TXNDC11: variants seen among roughly 807,000 people sequenced by gnomAD.
TXNDC11 encodes the protein thioredoxin domain containing 11.
A neutral mutation model predicts 78.0 loss-of-function variants in TXNDC11; 68 were observed. The ratio of observed to expected loss-of-function variants is 0.87; its 90% CI spans 0.72 to 1.07. TXNDC11 has a LOEUF of 1.07. Among genes scored for constraint, TXNDC11 ranks in the 50% least tolerant of loss-of-function variants. The pLI, the probability that TXNDC11 is intolerant of heterozygous loss-of-function variation, is 0.00. For missense variants in TXNDC11, 1,389 were observed against 1,221.8 expected, an observed-to-expected ratio of 1.14 and a Z score of -2.04; for synonymous variants, 571 against 495.2, an observed-to-expected ratio of 1.15 and a Z score of -2.03.
chr16:11,716,980 A>G (rs2051543352), intron 5 of TXNDC11, among the ~76,000 whole-genome samples: 1 of 152,160 alleles, frequency 6.6e-6, no homozygotes, highest in Admixed American at 6.5e-5. Flanking sequence ...CATTTTATAA[A>G]TGAGAGAGGG....
At chr16:11,693,910 T>A (rs1344873743) in intron 7 of TXNDC11, among the ~76,000 whole-genome samples, 4 of 152,040 alleles carry the variant, frequency 2.6e-5, no homozygotes, top group African/African-American at 9.7e-5. Context: ...CGCAAAAACC[T>A]CCATAAGACT....
intron 1 of TXNDC11, among the ~76,000 whole-genome samples, chr16:11,739,748 T>G (rs565108945): frequency 6.6e-6 from 1 of 152,178 alleles, no homozygotes; most frequent in Middle Eastern, 3.4e-3. Flanking sequence ...AAGTAAAGAT[T>G]AGATGCCCAG....
chr16:11,700,346 T>C (rs2050976906), intron 6 of TXNDC11, 106 bp downstream of exon 6: 1 of 542,746 alleles, frequency 1.8e-6, no homozygotes, highest in Admixed American at 3.6e-5. Flanking sequence ...CATATGCGCT[T>C]TTCTAGAGAG....
chr16:11,726,211 G>A (rs2051871441), intron 4 of TXNDC11, among the ~76,000 whole-genome samples: 1 of 121,866 alleles, frequency 8.2e-6, no homozygotes, highest in Non-Finnish European at 1.8e-5. Flanking sequence ...ATAAAACCAT[G>A]GTTAATGATT....
At chr16:11,693,056 C>T (rs1346887787) in intron 7 of TXNDC11, among the ~76,000 whole-genome samples, 1 of 152,152 alleles carries the variant, frequency 6.6e-6, no homozygotes, top group Non-Finnish European at 1.5e-5. Context: ...GCTGAGACAT[C>T]CCTCTTCCCC....
chr16:11,714,407 G>A lies in TXNDC11; in HGVS notation c.793+7170C>T, dbSNP rs551160349. ...TGTAACTCCAGCACTTTGGGAGGCC[G>A]AGGTGGGCGGATCACGAGGTCGGGG... is the stretch of plus-strand genomic sequence containing the variant. On this transcript the variant is annotated intron_variant, in intron 5 of 11. Coordinates refer to ENST00000283033, the MANE Select transcript of TXNDC11 (RefSeq NM_015914.7). 5.3e-5 allele frequency among the ~76,000 whole-genome samples: 8 copies of A among 152,156 alleles called. No homozygotes were observed. The East Asian group carries it at 1.2e-3, about 22-fold the overall frequency.
chr16:11,712,734 C>T (rs942006178), intron 5 of TXNDC11, among the ~76,000 whole-genome samples: 1 of 152,000 alleles, frequency 6.6e-6, no homozygotes, highest in Non-Finnish European at 1.5e-5. Context: ...GGCTGGACTG[C>T]TTGAACCCAG....
chr16:11,701,426 C>G (rs1312375459), intron 5 of TXNDC11, among the ~76,000 whole-genome samples: 1 of 152,074 alleles, frequency 6.6e-6, no homozygotes, highest in African/African-American at 2.4e-5. Flanking sequence ...TGTGAGCCAC[C>G]ACACTCGGCC....
chr16:11,684,231 T>A lies in TXNDC11; in HGVS notation c.2168A>T (p.Gln723Leu), dbSNP rs767960074. ...TFTVARIDVSQNDLPWEFMVD... is the reference protein window; with the variant it reads ...TFTVARIDVSLNDLPWEFMVD... ...CATAAATTCCCAAGGAAGGTCATTC[T>A]GAGACACGTCAATCCTGGTAAAGGG... is the stretch of plus-strand genomic sequence containing the variant. The change falls in exon 11 of 12, where the codon CAG becomes CTG. Residue 723 changes from glutamine to leucine, a missense_variant. By Grantham distance (113) the Gln-to-Leu change is moderately radical (BLOSUM62 -2). Transcript: ENST00000283033. The A allele has an allele frequency of 3.1e-6, 5 of 1,613,320 alleles. No homozygotes were observed. The highest frequency in any genetic ancestry group is 1.3e-5 in the African/African-American group (1 of 74,916).
At chr16:11,730,551 G>A in intron 4 of TXNDC11, 94 bp downstream of exon 4, 1 of 1,324,840 alleles carries the variant, frequency 7.5e-7, no homozygotes, top group Non-Finnish European at 1.1e-6. Context: ...CTGCAATTCA[G>A]GAGGTATTTT....
intron 7 of TXNDC11, 103 bp from the exon 8 acceptor site, chr16:11,692,185 A>C (rs1186900307): frequency 6.8e-6 from 6 of 880,304 alleles, no homozygotes; most frequent in Middle Eastern, 6.0e-4. Context: ...TCCATGGTCA[A>C]CTCCGGTTCA....
intron 5 of TXNDC11, among the ~76,000 whole-genome samples, chr16:11,716,421 T>C (rs2051528309): frequency 6.6e-6 from 1 of 152,212 alleles, no homozygotes; most frequent in South Asian, 2.1e-4. Flanking sequence ...TAAAGTAGCC[T>C]CTCTGCCAAG....
chr16:11,740,262 A>G (rs1257553829), intron 1 of TXNDC11, among the ~76,000 whole-genome samples: 2 of 152,236 alleles, frequency 1.3e-5, no homozygotes, highest in Admixed American at 6.5e-5. Flanking sequence ...GCACAGCAAT[A>G]AACAGTATCA....
chr16:11,685,711 T>C (rs2141970736), intron 10 of TXNDC11, among the ~76,000 whole-genome samples: 1 of 151,916 alleles, frequency 6.6e-6, no homozygotes, highest in South Asian at 2.1e-4. Context: ...ATGAAAACCA[T>C]TTACCAAAAG....
chr16:11,697,871 C>T (rs1182149229), intron 7 of TXNDC11, among the ~76,000 whole-genome samples: 2 of 152,226 alleles, frequency 1.3e-5, no homozygotes, highest in Non-Finnish European at 2.9e-5. Context: ...GTGTGGCTTC[C>T]CTGCCTCTTC....
chr16:11,712,746 A>G (rs563489325), intron 5 of TXNDC11, among the ~76,000 whole-genome samples: 3 of 152,090 alleles, frequency 2.0e-5, no homozygotes, highest in South Asian at 2.1e-4. Context: ...TGAACCCAGG[A>G]GTTCAAGATC....
At chr16:11,686,510 A>G (rs771828468) in intron 10 of TXNDC11, among the ~76,000 whole-genome samples, 1 of 152,198 alleles carries the variant, frequency 6.6e-6, no homozygotes, top group Non-Finnish European at 1.5e-5. Context: ...GTTTTTGTTG[A>G]TTTCTTGTAA....
intron 5 of TXNDC11, among the ~76,000 whole-genome samples, chr16:11,714,807 T>C (rs2141070026): frequency 6.6e-6 from 1 of 152,282 alleles, no homozygotes; most frequent in African/African-American, 2.4e-5. Context: ...TCAAAGTTCT[T>C]CCTCCATTTA....
At chr16:11,720,897 A>G (rs965307724) in intron 5 of TXNDC11, among the ~76,000 whole-genome samples, 9 of 151,256 alleles carry the variant, frequency 6.0e-5, no homozygotes, top group African/African-American at 2.2e-4. Flanking sequence ...GTGTACCACC[A>G]CACGTGCCTA....
Sources: allele counts gnomAD v4.1 joint callset (sites outside exome capture counted in the v4.1 genomes callset), GRCh38; gene constraint gnomAD v4.1.1; transcripts MANE v1.5; gene names NCBI Gene and HGNC (gene_info 2026-07-23, HGNC 2026-07-21).